The following MAGI2 variants were observed in gnomAD, a reference collection of about 807,000 sequenced individuals.
The protein encoded by MAGI2 is membrane-associated guanylate kinase, WW and PDZ domain-containing protein 2.
Under a neutral mutation model 133.3 loss-of-function variants are expected in MAGI2, and 35 were observed. The observed-to-expected ratio is 0.26, with a 90% confidence interval of 0.20 to 0.35. MAGI2 has a LOEUF of 0.35. Ranked by LOEUF, MAGI2 falls within the 10% of genes least tolerant of loss-of-function variation. The pLI, the probability that MAGI2 is intolerant of heterozygous loss-of-function variation, is 1.00. For missense variants in MAGI2, 1,636 were observed against 1,863.4 expected (o/e 0.88, Z 2.25); for synonymous variants, 729 against 710.6 (o/e 1.03, Z -0.41).
At chr7:78,778,827 T>C (rs1826176390) in intron 2 of MAGI2, among the ~76,000 whole-genome samples, 1 of 151,428 alleles carries the variant, frequency 6.6e-6, no homozygotes, top group African/African-American at 2.4e-5. Flanking sequence ...TTGTGAAAAA[T>C]ACATATAATT....
At chr7:79,321,508 A>C (rs540675096) in intron 1 of MAGI2, among the ~76,000 whole-genome samples, 1 of 152,168 alleles carries the variant, frequency 6.6e-6, no homozygotes, top group Non-Finnish European at 1.5e-5. Context: ...AGTAGTGTCT[A>C]CTGACAAAAG....
intron 2 of MAGI2, among the ~76,000 whole-genome samples, chr7:78,753,492 C>T (rs554288269): frequency 8.5e-4 from 130 of 152,130 alleles, no homozygotes; most frequent in African/African-American, 3.0e-3. Context: ...ACATATGGAT[C>T]ACTGGATTCA....
chr7:78,388,851 G>C (rs998608802), intron 6 of MAGI2, among the ~76,000 whole-genome samples: 5 of 152,148 alleles, frequency 3.3e-5, no homozygotes, highest in African/African-American at 1.2e-4. Flanking sequence ...TCACAAATCA[G>C]AATCACGTCG....
chr7:78,316,473 A>G (rs1199442083), intron 9 of MAGI2, among the ~76,000 whole-genome samples: 2 of 152,192 alleles, frequency 1.3e-5, no homozygotes, highest in Non-Finnish European at 1.5e-5. Flanking sequence ...AAGATGCTTT[A>G]CTTAGCTGAC....
At chr7:78,736,002 G>A (rs985506769) in intron 2 of MAGI2, among the ~76,000 whole-genome samples, 12 of 152,120 alleles carry the variant, frequency 7.9e-5, no homozygotes, top group Admixed American at 7.2e-4. Context: ...GTGATGTTCT[G>A]AAAACACATT....
At position 78,631,942 on chromosome 7, in the gene MAGI2, T is replaced by C. The variant is rs922249878; in HGVS notation, c.419-4703A>G. ...TTTCTTATCTGTAAAATGGGAACAA[T>C]AGTAGTAGCATCTTCATAGGGCTAA... On this transcript the variant is annotated intron_variant, in intron 2 of 21. Coordinates refer to ENST00000354212, the MANE Select transcript of MAGI2 (RefSeq NM_012301.4). Among the ~76,000 whole-genome samples the C allele has an allele frequency of 2.6e-5, 4 of 152,314 alleles. No individual in the cohort carries two copies. The South Asian group carries it at 8.3e-4, about 32-fold the overall frequency.
At chr7:79,304,819 C>T (rs1171439376) in intron 1 of MAGI2, among the ~76,000 whole-genome samples, 1 of 152,112 alleles carries the variant, frequency 6.6e-6, no homozygotes, top group Admixed American at 6.6e-5. Context: ...CTAGAGTCCA[C>T]ATGATATGGA....
At chr7:78,576,507 C>T (rs898894081) in intron 3 of MAGI2, among the ~76,000 whole-genome samples, 3 of 152,004 alleles carry the variant, frequency 2.0e-5, no homozygotes, top group Non-Finnish European at 4.4e-5. Flanking sequence ...TCATATAAAC[C>T]AGAACTCCCC....
At chr7:78,598,029 T>C (rs1167546577) in intron 3 of MAGI2, among the ~76,000 whole-genome samples, 3 of 152,186 alleles carry the variant, frequency 2.0e-5, no homozygotes, top group African/African-American at 7.2e-5. Flanking sequence ...GAATATTGAA[T>C]TATTTTGGAC....
At chr7:78,110,201 T>C (rs1237552633) in intron 20 of MAGI2, among the ~76,000 whole-genome samples, 1 of 152,230 alleles carries the variant, frequency 6.6e-6, no homozygotes, top group Non-Finnish European at 1.5e-5. Context: ...CTTACTTACA[T>C]CTGCCCTTAA....
At chr7:78,708,996 A>G (rs1585153515) in intron 2 of MAGI2, among the ~76,000 whole-genome samples, 1 of 152,250 alleles carries the variant, frequency 6.6e-6, no homozygotes, top group African/African-American at 2.4e-5. Context: ...CCCCGCTATT[A>G]GCCCACTAGC....
intron 1 of MAGI2, among the ~76,000 whole-genome samples, chr7:79,126,409 G>T (rs1820409200): frequency 1.3e-5 from 2 of 152,132 alleles, no homozygotes; most frequent in African/African-American, 4.8e-5. Context: ...CTTTCCCAAG[G>T]CTGCTTGGTG....
intron 6 of MAGI2, among the ~76,000 whole-genome samples, chr7:78,452,664 C>A (rs924628852): frequency 6.6e-6 from 1 of 150,958 alleles, no homozygotes; most frequent in Admixed American, 6.6e-5. Context: ...AAAAAGCAAC[C>A]ATCCCTTTAA....
At chr7:79,026,174 A>G (rs975982970) in intron 1 of MAGI2, among the ~76,000 whole-genome samples, 2 of 152,204 alleles carry the variant, frequency 1.3e-5, no homozygotes, top group Non-Finnish European at 2.9e-5. Context: ...TAAAGAATAC[A>G]TAATTAATCA....
intron 1 of MAGI2, among the ~76,000 whole-genome samples, chr7:79,387,609 T>A (rs992845161): frequency 2.6e-5 from 4 of 152,104 alleles, no homozygotes; most frequent in Admixed American, 2.0e-4. Flanking sequence ...ATTTGTTATA[T>A]TCTCTTTTGT....
At chr7:79,046,075 T>G (rs1812156551) in intron 1 of MAGI2, among the ~76,000 whole-genome samples, 1 of 152,176 alleles carries the variant, frequency 6.6e-6, no homozygotes, top group South Asian at 2.1e-4. Flanking sequence ...CAACTTCCTG[T>G]GTGCATATAA....
chr7:79,089,118 C>T (rs192817529), intron 1 of MAGI2, among the ~76,000 whole-genome samples: 13 of 152,092 alleles, frequency 8.5e-5, no homozygotes, highest in African/African-American at 3.1e-4. Flanking sequence ...AAAAGACAAA[C>T]AACCCCATCA....
chr7:79,271,922 A>T (rs1160335525), intron 1 of MAGI2, among the ~76,000 whole-genome samples: 1 of 152,062 alleles, frequency 6.6e-6, no homozygotes, highest in Non-Finnish European at 1.5e-5. Context: ...TTAGTTTGAG[A>T]TGGGGTCATG....
chr7:79,378,990 G>T, intron 1 of MAGI2, among the ~76,000 whole-genome samples: 1 of 139,336 alleles, frequency 7.2e-6, no homozygotes, highest in African/African-American at 2.7e-5. Flanking sequence ...AAGTTCTAGG[G>T]TACATGTGTG....
Sources: allele counts gnomAD v4.1 joint callset (sites outside exome capture counted in the v4.1 genomes callset), GRCh38; gene constraint gnomAD v4.1.1; transcripts MANE v1.5; gene names NCBI Gene and HGNC (gene_info 2026-07-23, HGNC 2026-07-21).